The following DNAL1 variants were observed in gnomAD, a reference collection of about 807,000 sequenced individuals.
The protein encoded by DNAL1 is dynein axonemal light chain 1, also known as chromosome 14 open reading frame 168.
Under a neutral mutation model 29.4 loss-of-function variants are expected in DNAL1, and 17 were observed. The observed-to-expected ratio is 0.58, with a 90% CI of 0.40 to 0.87. The LOEUF (loss-of-function observed/expected upper bound fraction) is 0.87, where lower values mean the gene tolerates loss of function less well. Ranked by LOEUF, DNAL1 falls within the 40% of genes least tolerant of loss-of-function variation. The pLI, the probability that DNAL1 is intolerant of heterozygous loss-of-function variation, is 0.00. For missense variants in DNAL1, 188 were observed against 214.1 expected, an observed-to-expected ratio of 0.88 and a Z score of 0.76; for synonymous variants, 78 against 76.3, an observed-to-expected ratio of 1.02 and a Z score of -0.12.
At chr14:73,662,176 C>A in intron 4 of DNAL1, 134 bp downstream of exon 4, 1 of 702,936 alleles carries the variant, frequency 1.4e-6, no homozygotes, top group Non-Finnish European at 2.4e-6. Flanking sequence ...AATACATAAA[C>A]TATGTCTTAA....
Position 73,696,163 on chromosome 14 carries a change from A to G in DNAL1, c.*221A>G, listed in dbSNP as rs1311057540. On this transcript the variant is annotated 3_prime_UTR_variant, in exon 8 of 8. Coordinates refer to ENST00000553645, the MANE Select transcript of DNAL1 (RefSeq NM_031427.4). Reference sequence around the variant, plus strand: ...TATCCTATTTCTCTTTTTAGAAACCACAAATTTTCGATTTTTGTCTTCAGT... The same window carrying G: ...TATCCTATTTCTCTTTTTAGAAACCGCAAATTTTCGATTTTTGTCTTCAGT... 1 of 449,476 alleles carries G rather than the reference A, an allele frequency of 2.2e-6. No individual in the cohort carries two copies. Among genetic ancestry groups the G allele is most frequent in the Non-Finnish European group, 3.9e-6 (1 of 257,134 alleles). 27.8% of individuals were successfully genotyped at this position (449,476 alleles called of 1,614,324 possible). A position where few individuals can be genotyped will look rare whatever the true frequency, so the allele number is the denominator to read the frequency against.
At chr14:73,688,051 A>AG (rs889968736) in intron 6 of DNAL1, among the ~76,000 whole-genome samples, 2 of 152,318 alleles carry the variant, frequency 1.3e-5, no homozygotes, top group African/African-American at 4.8e-5. Flanking sequence ...GTAATCTGAT[A>AG]GGTCCTGGTC....
In DNAL1 at chr14:73,662,113, T is replaced by C. The variant is rs548172774; in HGVS notation, c.208+71T>C. The C allele has an allele frequency of 7.9e-5, 105 of 1,324,152 alleles. No individual in the cohort carries two copies. The East Asian group carries it at 2.4e-3, about 31-fold the overall frequency. 82.0% of individuals were successfully genotyped at this position (1,324,152 alleles called of 1,614,324 possible). Reference sequence around the variant, plus strand: ...TTTAATAAACATTCCGGAGACAATATGTAATTCCAGAAGCTGGCACCTGTT... The same window carrying C: ...TTTAATAAACATTCCGGAGACAATACGTAATTCCAGAAGCTGGCACCTGTT... On this transcript the variant is annotated intron_variant, in intron 4 of 7. Transcript: ENST00000553645.
At chr14:73,667,069 G>A (rs149344225) in intron 4 of DNAL1, among the ~76,000 whole-genome samples, 2 of 150,884 alleles carry the variant, frequency 1.3e-5, no homozygotes, top group African/African-American at 4.9e-5. Flanking sequence ...TGTGTCCTCT[G>A]AATTGCAGAT....
intron 7 of DNAL1, among the ~76,000 whole-genome samples, chr14:73,695,048 C>CTTTTTTTTTTTT (rs71112798): frequency 1.6e-5 from 1 of 60,872 alleles, no homozygotes; most frequent in Non-Finnish European, 2.8e-5. Context: ...TACTTGTTGG[C>CTTTTTTTTTTTT]TTTTTTTTTT....
chr14:73,661,998 T>C lies in DNAL1; in HGVS notation c.164T>C (p.Leu55Pro). 6.4e-7 allele frequency: 1 copy of C among 1,552,190 alleles called. No homozygotes were observed. The highest frequency in any genetic ancestry group is 8.7e-7 in the Non-Finnish European group (1 of 1,148,148). Residue 55 changes from leucine (L) to proline (P), a missense_variant, in exon 4 of 8, where the codon CTG becomes CCG. Leu to Pro is a moderately conservative substitution (Grantham distance 98). Coordinates refer to ENST00000553645, the MANE Select transcript of DNAL1 (RefSeq NM_031427.4). ...TTGTTCTTTTAAAGGAAGCTTTCAC[T>C]GTCTACAAACTGCATTGAAAAAATT... ...SMLANCEKLS[L>P]STNCIEKIAN...
At chr14:73,658,325 A>G (rs1891262165) in intron 2 of DNAL1, among the ~76,000 whole-genome samples, 1 of 152,166 alleles carries the variant, frequency 6.6e-6, no homozygotes. Context: ...ATATCTTGAA[A>G]TCAGGTAGTG....
Position 73,698,552 on chromosome 14 carries a change from A to G in DNAL1, c.*2610A>G, listed in dbSNP as rs1487849978. 1.3e-5 allele frequency: 2 copies of G among 151,744 alleles called. No individual in the cohort carries two copies. Among genetic ancestry groups the G allele is most frequent in the Non-Finnish European group, 2.9e-5 (2 of 67,976 alleles). 9.4% of individuals were successfully genotyped at this position (151,744 alleles called of 1,614,324 possible). A position where few individuals can be genotyped will look rare whatever the true frequency, so the allele number is the denominator to read the frequency against. On this transcript the variant is annotated 3_prime_UTR_variant, in exon 8 of 8. Coordinates refer to ENST00000553645, the MANE Select transcript of DNAL1 (RefSeq NM_031427.4). ...TTTGTTTGTTTGTTTGTTTGTTTTA[A>G]ACAGAGTCTCACTCCCGAGTAGCTG...
chr14:73,667,342 A>G (rs924871058), intron 4 of DNAL1, among the ~76,000 whole-genome samples: 4 of 151,954 alleles, frequency 2.6e-5, no homozygotes, highest in African/African-American at 7.2e-5. Context: ...GCATGCGCCT[A>G]TAATCCCAGC....
intron 4 of DNAL1, among the ~76,000 whole-genome samples, chr14:73,668,713 A>G (rs576680755): frequency 4.1e-4 from 62 of 151,882 alleles, no homozygotes; most frequent in Middle Eastern, 3.4e-3. Context: ...GCCTTGCTCT[A>G]TCACCCAGGC....
At chr14:73,671,775 C>A (rs1038407531) in intron 5 of DNAL1, among the ~76,000 whole-genome samples, 178 bp downstream of exon 5, 6 of 152,166 alleles carry the variant, frequency 3.9e-5, no homozygotes, top group African/African-American at 1.2e-4. Flanking sequence ...GTACTCCCAC[C>A]AGTAACGTGT....
chr14:73,681,620 AAAAAAAAAAAAAAATAT>A (rs1472057504), intron 5 of DNAL1, among the ~76,000 whole-genome samples: 9,949 of 67,178 alleles, frequency 0.15, 688 homozygotes, highest in Non-Finnish European at 0.22. Flanking sequence ...AAAAAAAAAA[AAAAAAAAAAAAAAATAT>A]ATATATATAT....
In DNAL1 at chr14:73,644,992, A is replaced by G. The variant is rs1246275455; in HGVS notation, c.-48A>G. Reference sequence around the variant, plus strand: ...CGCCGAGAAGTGCGCACGCGCACTGACCCCGCGGGCCCTAGCAACCAGAGC... The same window carrying G: ...CGCCGAGAAGTGCGCACGCGCACTGGCCCCGCGGGCCCTAGCAACCAGAGC... On this transcript the variant is annotated 5_prime_UTR_variant, in exon 1 of 8. Transcript: ENST00000553645. 1.9e-6 allele frequency: 3 copies of G among 1,603,322 alleles called. No homozygotes were observed. In the African/African-American group the frequency reaches 4.0e-5, roughly 21 times the overall value.
intron 2 of DNAL1, among the ~76,000 whole-genome samples, chr14:73,657,704 C>T (rs1891249589): frequency 1.3e-5 from 2 of 152,222 alleles, no homozygotes; most frequent in East Asian, 1.9e-4. Flanking sequence ...AGCAATTCTC[C>T]TGCCTCAGCC....
intron 1 of DNAL1, among the ~76,000 whole-genome samples, chr14:73,648,232 C>T (rs1182481539): frequency 1.3e-5 from 2 of 151,688 alleles, no homozygotes; most frequent in African/African-American, 4.9e-5. Flanking sequence ...CCCACCCAGG[C>T]CTCCCAAAAT....
chr14:73,694,237 T>TATGA (rs1555403483), intron 7 of DNAL1, among the ~76,000 whole-genome samples: 2 of 128,082 alleles, frequency 1.6e-5, no homozygotes, highest in Admixed American at 1.7e-4. Flanking sequence ...AAGCCCTGTC[T>TATGA]ATAAATAAAT....
At chr14:73,664,116 G>T (rs998910816) in intron 4 of DNAL1, among the ~76,000 whole-genome samples, 1 of 152,180 alleles carries the variant, frequency 6.6e-6, no homozygotes, top group Non-Finnish European at 1.5e-5. Flanking sequence ...ATCTGTGCTG[G>T]ACCCTACATA....
At chr14:73,653,853 A>G (rs1210917816) in intron 1 of DNAL1, among the ~76,000 whole-genome samples, 1 of 152,220 alleles carries the variant, frequency 6.6e-6, no homozygotes, top group Non-Finnish European at 1.5e-5. Flanking sequence ...AGTTTTAAAT[A>G]TATTAAATTG....
intron 1 of DNAL1, 120 bp downstream of exon 1, chr14:73,645,162 G>T: frequency 1.3e-6 from 2 of 1,521,346 alleles, no homozygotes; most frequent in Non-Finnish European, 1.8e-6. Flanking sequence ...GGTAGCTGAC[G>T]CTAGCTCTGT....
Sources: allele counts gnomAD v4.1 joint callset (sites outside exome capture counted in the v4.1 genomes callset), GRCh38; gene constraint gnomAD v4.1.1; transcripts MANE v1.5; gene names NCBI Gene and HGNC (gene_info 2026-07-23, HGNC 2026-07-21).